The following ARL14EPL variants were observed in gnomAD, a reference collection of about 807,000 sequenced individuals.
The protein encoded by ARL14EPL is ARL14 effector protein-like.
In ARL14EPL, 17 loss-of-function variants were observed where a neutral mutation model predicts 15.9. The observed-to-expected ratio is 1.07, with a 90% CI of 0.73 to 1.60. ARL14EPL has a LOEUF of 1.60. Ranked by LOEUF, ARL14EPL falls within the 40% of genes most tolerant of loss-of-function variation. The pLI, the probability that ARL14EPL is intolerant of heterozygous loss-of-function variation, is 0.00. For missense variants in ARL14EPL, 214 were observed against 185.9 expected (o/e 1.15, Z -0.88); for synonymous variants, 78 against 63.8 (o/e 1.22, Z -1.06).
In ARL14EPL at chr5:116,042,531, C is replaced by T. The variant is rs546719415; in HGVS notation, c.-9-8926C>T. 4.6e-5 allele frequency among the ~76,000 whole-genome samples: 7 copies of T among 152,296 alleles called. No homozygotes were observed. The East Asian group carries it at 1.3e-3, about 29-fold the overall frequency. On this transcript the variant is annotated intron_variant, in intron 1 of 3. Transcript: ENST00000686077. ...AACTCATAACACCTTCACAGTAGAA[C>T]AGCAGCTTGTTAAAACAGTAACCAC...
intron 2 of ARL14EPL, chr5:116,052,345 C>T: frequency 1.1e-6 from 1 of 878,080 alleles, no homozygotes; most frequent in Non-Finnish European, 1.9e-6. Flanking sequence ...GACAAAAAAG[C>T]TACAAATGTT....
chr5:116,053,277 C>T (rs59697643), intron 2 of ARL14EPL, among the ~76,000 whole-genome samples: 3,568 of 149,302 alleles, frequency 0.024, 126 homozygotes, highest in East Asian at 0.14. Flanking sequence ...ACTTGAGCCC[C>T]GGGGATTGAG....
At chr5:116,058,625 G>T in intron 3 of ARL14EPL, 100 bp from the exon 4 acceptor site, 1 of 1,150,474 alleles carries the variant, frequency 8.7e-7, no homozygotes, top group Non-Finnish European at 1.2e-6. Flanking sequence ...TCTGGGTCAG[G>T]GTAAAATGGT....
intron 1 of ARL14EPL, among the ~76,000 whole-genome samples, chr5:116,036,589 CTGTT>C (rs374651803): frequency 3.3e-4 from 51 of 152,294 alleles, no homozygotes; most frequent in East Asian, 5.8e-4. Context: ...GGTCAAGTCA[CTGTT>C]TGGGTTTCTA....
At chr5:116,057,389 C>G (rs1749544555) in intron 3 of ARL14EPL, among the ~76,000 whole-genome samples, 1 of 148,352 alleles carries the variant, frequency 6.7e-6, no homozygotes, top group Non-Finnish European at 1.5e-5. Context: ...ATATATTTTG[C>G]ATGATTTGAT....
intron 1 of ARL14EPL, among the ~76,000 whole-genome samples, chr5:116,044,054 T>G (rs1205067090): frequency 6.6e-6 from 1 of 152,164 alleles, no homozygotes; most frequent in Non-Finnish European, 1.5e-5. Context: ...TATGCAAAAT[T>G]TGCTGTGTAA....
At chr5:116,049,061 G>A (rs1213998866) in intron 1 of ARL14EPL, among the ~76,000 whole-genome samples, 1 of 152,126 alleles carries the variant, frequency 6.6e-6, no homozygotes, top group African/African-American at 2.4e-5. Context: ...GTAGCCCATG[G>A]CAAATCAAGG....
chr5:116,040,763 T>G (rs886691881), intron 1 of ARL14EPL, among the ~76,000 whole-genome samples: 10 of 148,138 alleles, frequency 6.8e-5, no homozygotes, highest in Admixed American at 4.1e-4. Flanking sequence ...CACGAGGTCA[T>G]ATCGAGACCA....
Position 116,051,485 on chromosome 5 carries a change from AAAAC to A in ARL14EPL, c.23_26del (p.Asn8IlefsTer27). 6.5e-7 allele frequency: 1 copy of A among 1,535,310 alleles called. No individual in the cohort carries two copies. Among genetic ancestry groups the A allele is most frequent in the Non-Finnish European group, 8.7e-7 (1 of 1,146,256 alleles). ...TCAGAGATGAATGAACAATCAGAGA[AAAAC>A]AATTCCATTCAAGAGAGACACACAG... is the stretch of plus-strand genomic sequence containing the variant. On this transcript the variant is annotated frameshift_variant, in exon 2 of 4. Transcript: ENST00000686077. LOFTEE classifies it high-confidence loss of function.
At chr5:116,052,337 C>CA (rs1159732941) in intron 2 of ARL14EPL, 5 of 897,938 alleles carry the variant, frequency 5.6e-6, no homozygotes, top group African/African-American at 5.0e-5. Context: ...AGATGTCGGA[C>CA]AAAAAAGCTA....
At chr5:116,042,633 C>G (rs1376200015) in intron 1 of ARL14EPL, among the ~76,000 whole-genome samples, 4 of 152,162 alleles carry the variant, frequency 2.6e-5, no homozygotes, top group Non-Finnish European at 5.9e-5. Flanking sequence ...ATTGGAGCAG[C>G]CCAGTGAGAG....
intron 1 of ARL14EPL, among the ~76,000 whole-genome samples, chr5:116,048,708 G>A (rs1483727342): frequency 6.6e-6 from 1 of 151,980 alleles, no homozygotes; most frequent in Non-Finnish European, 1.5e-5. Flanking sequence ...AAAGTTACTG[G>A]GATCAGGTAA....
intron 1 of ARL14EPL, chr5:116,051,062 A>G (rs2560703): frequency 0.69 from 106,293 of 153,452 alleles, 38,236 homozygotes; most frequent in Middle Eastern, 0.83. Context: ...TGAAACCATG[A>G]GAGTGGATGA....
At chr5:116,054,267 C>T in intron 3 of ARL14EPL, 114 bp downstream of exon 3, 1 of 1,178,082 alleles carries the variant, frequency 8.5e-7, no homozygotes, top group East Asian at 2.6e-5. Flanking sequence ...AAAATATCTC[C>T]TCTGAAATAT....
intron 1 of ARL14EPL, among the ~76,000 whole-genome samples, chr5:116,048,672 G>A (rs764286353): frequency 6.6e-6 from 1 of 151,928 alleles, no homozygotes. Flanking sequence ...TGACATCTAC[G>A]GCAACTCGAG....
chr5:116,057,193 G>A (rs1222600246), intron 3 of ARL14EPL, among the ~76,000 whole-genome samples: 2 of 152,172 alleles, frequency 1.3e-5, no homozygotes, highest in Admixed American at 1.3e-4. Context: ...TATCTCCGTA[G>A]ATGCAGAAAA....
chr5:116,058,811 G>A lies in ARL14EPL; in HGVS notation c.323G>A (p.Cys108Tyr), dbSNP rs781303252. 2 of 1,535,954 alleles carry A rather than the reference G, an allele frequency of 1.3e-6. No individual in the cohort carries two copies. Among genetic ancestry groups the A allele is most frequent in the African/African-American group, 1.4e-5 (1 of 73,052 alleles). The change falls in exon 4 of 4, where the codon TGC becomes TAC. Residue 108 changes from cysteine to tyrosine, a missense_variant. By Grantham distance (194) the Cys-to-Tyr change is radical. Coordinates refer to ENST00000686077, the MANE Select transcript of ARL14EPL (RefSeq NM_001195581.2). The stretch of plus-strand genomic sequence containing the variant: ...TGTCTAGAGAAGAACTGCCTGGGCT[G>A]CTTCTACCCATGCCCGAAGTGTAAC... ...CDCLEKNCLG[C>Y]FYPCPKCNSN...
At chr5:116,035,546 G>A (rs1247981502) in intron 1 of ARL14EPL, among the ~76,000 whole-genome samples, 4 of 152,230 alleles carry the variant, frequency 2.6e-5, no homozygotes, top group African/African-American at 9.6e-5. Flanking sequence ...TGACAAAAGA[G>A]TAAGGCTGAG....
At position 116,058,982 on chromosome 5, in the gene ARL14EPL, C is replaced by T. The variant is rs912119533; in HGVS notation, c.*35C>T. ...TATATGGACTGATTTGTTTCTTCTT[C>T]TTACACATTTAAGTTGACCTCTTTC... On this transcript the variant is annotated 3_prime_UTR_variant, in exon 4 of 4. Coordinates refer to ENST00000686077, the MANE Select transcript of ARL14EPL (RefSeq NM_001195581.2). The T allele has an allele frequency of 6.6e-7, 1 of 1,517,692 alleles. No homozygotes were observed. Among genetic ancestry groups the T allele is most frequent in the Non-Finnish European group, 8.8e-7 (1 of 1,130,752 alleles). The allele number at this position is 1,517,692 out of a possible 1,614,324, so 94.0% of individuals were successfully genotyped here. A position where few individuals can be genotyped will look rare whatever the true frequency, so the allele number is the denominator to read the frequency against.
Sources: allele counts gnomAD v4.1 joint callset (sites outside exome capture counted in the v4.1 genomes callset), GRCh38; gene constraint gnomAD v4.1.1; transcripts MANE v1.5; gene names NCBI Gene and HGNC (gene_info 2026-07-23, HGNC 2026-07-21).